Variants in FHIT observed in about 807,000 individuals in gnomAD.
FHIT encodes the protein fragile histidine triad diadenosine triphosphatase.
FHIT carries 19 observed loss-of-function variants against 17.9 expected under a neutral mutation model. That is an observed-to-expected ratio of 1.06 (90% CI 0.74 to 1.56). FHIT has a LOEUF of 1.56. Among genes scored for constraint, FHIT ranks in the 40% most tolerant of loss-of-function variants. FHIT has a pLI of 0.00. For missense variants in FHIT, 248 were observed against 189.2 expected (o/e 1.31, Z -1.82); for synonymous variants, 81 against 69.7 (o/e 1.16, Z -0.81).
rs111571418 is a variant in FHIT, at chr3:60,100,844, T to G, written c.104-86692A>C. ...AAACAGAGACCAACATCTCCTTGTTTCATTTAATTTTGTTCTCTTGTTACT... is the reference window on the plus strand; with the variant it reads ...AAACAGAGACCAACATCTCCTTGTTGCATTTAATTTTGTTCTCTTGTTACT... On this transcript the variant is annotated intron_variant, in intron 5 of 9. Transcript: ENST00000492590. Among the ~76,000 whole-genome samples the G allele has an allele frequency of 2.5e-3, 383 of 152,266 alleles. 1 individual carries two copies. The highest frequency in any genetic ancestry group is 8.7e-3 in the African/African-American group (361 of 41,564).
At chr3:60,563,565 C>G (rs2037029968) in intron 4 of FHIT, among the ~76,000 whole-genome samples, 1 of 152,128 alleles carries the variant, frequency 6.6e-6, no homozygotes, top group South Asian at 2.1e-4. Flanking sequence ...ATGCAAAGGA[C>G]AAGTTATTGA....
Position 59,954,221 on chromosome 3 carries a change from G to GTTTTTTT in FHIT, c.280-31814_280-31808dup, listed in dbSNP as rs5849313. 3.1e-4 allele frequency among the ~76,000 whole-genome samples: 37 copies of GTTTTTTT among 120,958 alleles called. 8 individuals are homozygous for GTTTTTTT. The highest frequency in any genetic ancestry group is 4.4e-4 in the Admixed American group (5 of 11,390). The allele number at this position is 120,958 out of a possible 152,430, so 79.4% of individuals were successfully genotyped here. ...CATTTTTCAGAAGTTATTTTGTTCTGTTTTTTTTTCTTTTTTTTCCAAATG... is the reference window on the plus strand; with the variant it reads ...CATTTTTCAGAAGTTATTTTGTTCTGTTTTTTTTTTTTTTTTCTTTTTTTTCCAAATG... On this transcript the variant is annotated intron_variant, in intron 7 of 9. Coordinates refer to ENST00000492590, the MANE Select transcript of FHIT (RefSeq NM_002012.4).
intron 5 of FHIT, among the ~76,000 whole-genome samples, chr3:60,268,767 C>T: frequency 6.6e-6 from 1 of 152,098 alleles, no homozygotes; most frequent in East Asian, 1.9e-4. Flanking sequence ...AATATGCTTA[C>T]ATGGGAAAGG....
intron 3 of FHIT, among the ~76,000 whole-genome samples, chr3:61,015,587 T>C (rs551635563): frequency 1.3e-5 from 2 of 152,302 alleles, no homozygotes; most frequent in East Asian, 3.9e-4. Flanking sequence ...TTAAAGCAAA[T>C]CAGCACTCTG....
intron 8 of FHIT, among the ~76,000 whole-genome samples, chr3:59,808,331 C>T (rs1165445906): frequency 6.6e-6 from 1 of 152,038 alleles, no homozygotes; most frequent in Non-Finnish European, 1.5e-5. Flanking sequence ...AGGGATATTG[C>T]GGAGGGGCCT....
At chr3:59,781,136 G>A (rs1198662015) in intron 8 of FHIT, among the ~76,000 whole-genome samples, 1 of 152,142 alleles carries the variant, frequency 6.6e-6, no homozygotes, top group Non-Finnish European at 1.5e-5. Context: ...GGCATTGGTG[G>A]GCTGCATTCC....
chr3:61,130,030 ATTC>A lies in FHIT; in HGVS notation c.-164+70584_-164+70586del, dbSNP rs529410586. ...AAAATGTGTATTTGTTAACCACTACATTCTAGGCTGTGTGCTAGAGGTGCCACA... is the reference window on the plus strand; with the variant it reads ...AAAATGTGTATTTGTTAACCACTACATAGGCTGTGTGCTAGAGGTGCCACA... On this transcript the variant is annotated intron_variant, in intron 2 of 9. Transcript: ENST00000492590. Among the ~76,000 whole-genome samples the A allele has an allele frequency of 2.0e-4, 30 of 152,342 alleles. 1 individual carries two copies. The East Asian group carries it at 5.8e-3, about 29-fold the overall frequency.
At position 60,500,292 on chromosome 3, in the gene FHIT, A is replaced by G. The variant is rs970333390; in HGVS notation, c.103+36568T>C. Among the ~76,000 whole-genome samples, 7 of 152,246 alleles carry G rather than the reference A, an allele frequency of 4.6e-5. No homozygotes were observed. The South Asian group carries it at 6.2e-4, about 14-fold the overall frequency. On this transcript the variant is annotated intron_variant, in intron 5 of 9. Transcript: ENST00000492590. ...CATGGCCCAGAAAAGATTTACAGAA[A>G]AAGTTTGCTAGCTCCTGGTCTACTA...
At chr3:60,740,861 T>A (rs2042225975) in intron 4 of FHIT, among the ~76,000 whole-genome samples, 1 of 152,228 alleles carries the variant, frequency 6.6e-6, no homozygotes. Flanking sequence ...GGGGTTATGT[T>A]GATGAGTTTA....
At chr3:60,328,762 C>A (rs1368309561) in intron 5 of FHIT, among the ~76,000 whole-genome samples, 1 of 152,136 alleles carries the variant, frequency 6.6e-6, no homozygotes, top group African/African-American at 2.4e-5. Flanking sequence ...TGAGCTGTTC[C>A]AAGCCAAAAA....
intron 7 of FHIT, among the ~76,000 whole-genome samples, chr3:59,945,031 G>T (rs185189939): frequency 6.6e-6 from 1 of 152,074 alleles, no homozygotes; most frequent in Non-Finnish European, 1.5e-5. Flanking sequence ...ATTTTCCTTT[G>T]TGTATATACT....
chr3:59,893,239 C>A (rs1174943987), intron 8 of FHIT, among the ~76,000 whole-genome samples: 1 of 152,136 alleles, frequency 6.6e-6, no homozygotes, highest in Non-Finnish European at 1.5e-5. Flanking sequence ...CACAGAGAAC[C>A]AATCCCAGCT....
intron 4 of FHIT, among the ~76,000 whole-genome samples, chr3:60,727,831 A>G (rs1178155372): frequency 3.3e-5 from 5 of 152,026 alleles, no homozygotes; most frequent in African/African-American, 4.8e-5. Flanking sequence ...GTGAAACCCC[A>G]TCTCTACTAA....
chr3:60,570,408 A>T (rs960526370), intron 4 of FHIT, among the ~76,000 whole-genome samples: 1 of 152,138 alleles, frequency 6.6e-6, no homozygotes, highest in Non-Finnish European at 1.5e-5. Flanking sequence ...GCATCCTCTG[A>T]GAGTATGTAT....
chr3:59,793,098 A>T (rs915387619), intron 8 of FHIT, among the ~76,000 whole-genome samples: 2 of 152,094 alleles, frequency 1.3e-5, no homozygotes, highest in South Asian at 2.1e-4. Flanking sequence ...TGCCTGGCAG[A>T]GAATAGGTGT....
At chr3:60,134,329 A>G (rs1699717909) in intron 5 of FHIT, among the ~76,000 whole-genome samples, 2 of 152,208 alleles carry the variant, frequency 1.3e-5, no homozygotes, top group South Asian at 2.1e-4. Context: ...ACATCTGGAA[A>G]AAGATAATCC....
intron 7 of FHIT, among the ~76,000 whole-genome samples, chr3:59,935,421 G>C (rs1342367102): frequency 6.6e-6 from 1 of 151,980 alleles, no homozygotes; most frequent in Non-Finnish European, 1.5e-5. Flanking sequence ...CCTCCTTTGT[G>C]TACTCTTCAG....
chr3:60,103,056 GCTT>G (rs996314209), intron 5 of FHIT, among the ~76,000 whole-genome samples: 6 of 152,122 alleles, frequency 3.9e-5, no homozygotes, highest in African/African-American at 1.4e-4. Context: ...AGACCCCATT[GCTT>G]CTTTTTAATA....
chr3:60,235,054 G>T (rs778911420), intron 5 of FHIT, among the ~76,000 whole-genome samples: 6 of 151,982 alleles, frequency 3.9e-5, no homozygotes, highest in Non-Finnish European at 5.9e-5. Context: ...ACGTTACATG[G>T]AATAAGAGAG....
Sources: gnomAD v4.1 joint callset for allele counts (sites outside exome capture counted in the v4.1 genomes callset) on GRCh38, gnomAD v4.1.1 for gene constraint, MANE v1.5 for transcripts, NCBI Gene and HGNC (gene_info 2026-07-23, HGNC 2026-07-21) for gene names.